Variants in RINT1 observed in about 807,000 individuals in gnomAD.
The protein encoded by RINT1 is RAD50 interactor 1.
A neutral mutation model predicts 97.7 loss-of-function variants in RINT1; 75 were observed. The ratio of observed to expected loss-of-function variants is 0.77; its 90% CI spans 0.64 to 0.93. RINT1 has a LOEUF of 0.93. RINT1 is among the 40% of genes least tolerant of loss of function. The pLI is 0.00. For synonymous variants in RINT1, 303 were observed against 326.3 expected (o/e 0.93, Z 0.77); for missense variants, 892 against 925.2 (o/e 0.96, Z 0.47).
chr7:105,538,392 T>G (rs1419211764), intron 3 of RINT1, among the ~76,000 whole-genome samples: 3 of 152,196 alleles, frequency 2.0e-5, no homozygotes, highest in African/African-American at 7.2e-5. Flanking sequence ...CTGTCCCCAT[T>G]ACCTTAGGCC....
chr7:105,558,850 A>G (rs146006876), intron 11 of RINT1, among the ~76,000 whole-genome samples: 1 of 151,826 alleles, frequency 6.6e-6, no homozygotes, highest in Admixed American at 6.6e-5. Flanking sequence ...GGTCCCAGCT[A>G]CTTGGAGGCT....
intron 11 of RINT1, among the ~76,000 whole-genome samples, chr7:105,559,540 C>CAAAAA (rs60718751): frequency 1.9e-4 from 11 of 59,030 alleles, no homozygotes; most frequent in East Asian, 6.9e-4. Flanking sequence ...GACTCTGTCT[C>CAAAAA]AAAAAAAAAA....
intron 4 of RINT1, among the ~76,000 whole-genome samples, chr7:105,544,281 G>A (rs1377182128): frequency 2.0e-5 from 3 of 151,946 alleles, no homozygotes; most frequent in African/African-American, 7.2e-5. Context: ...TCAGTAAGGG[G>A]CAATGTTAAT....
chr7:105,535,598 G>T, intron 2 of RINT1: 1 of 454,528 alleles, frequency 2.2e-6, no homozygotes, highest in Non-Finnish European at 4.4e-6. Context: ...TGCTGTCCAG[G>T]CTGGAATGTA....
chr7:105,536,968 G>C (rs113170300), intron 3 of RINT1, among the ~76,000 whole-genome samples: 1 of 152,148 alleles, frequency 6.6e-6, no homozygotes, highest in Non-Finnish European at 1.5e-5. Context: ...TCAAAACATA[G>C]TGAGACCTAA....
intron 3 of RINT1, chr7:105,541,830 A>C (rs1021552955): frequency 1.3e-5 from 2 of 152,208 alleles, no homozygotes; most frequent in Non-Finnish European, 2.9e-5. Flanking sequence ...CTATGGAGGC[A>C]GACCTCTAGA....
chr7:105,542,248 T>C (rs1790487293), intron 3 of RINT1, 160 bp from the exon 4 acceptor site: 1 of 598,632 alleles, frequency 1.7e-6, no homozygotes, highest in East Asian at 2.8e-5. Flanking sequence ...GGTGGGAGGA[T>C]TGGTTGAGCC....
intron 11 of RINT1, among the ~76,000 whole-genome samples, chr7:105,555,817 C>CAAAG (rs1791154190): frequency 6.6e-6 from 1 of 151,864 alleles, no homozygotes. Flanking sequence ...CCCATTTCTC[C>CAAAG]AAAGAATAAA....
At position 105,565,183 on chromosome 7, in the gene RINT1, C is replaced by G. The variant is rs113457803; in HGVS notation, c.1887-94C>G. The G allele has an allele frequency of 4.9e-4, 554 of 1,123,826 alleles. 4 individuals are homozygous for G. The African/African-American group carries it at 6.4e-3, about 13-fold the overall frequency. The allele number at this position is 1,123,826 out of a possible 1,614,324, so 69.6% of individuals were successfully genotyped here. On this transcript the variant is annotated intron_variant, in intron 12 of 14. Transcript: ENST00000257700. The stretch of plus-strand genomic sequence containing the variant: ...TATATTTTTTCTTATCCAAAATGCC[C>G]TAGGACAGAACACTTCCTCAAATTT...
chr7:105,551,976 G>A (rs1363646737), intron 10 of RINT1, among the ~76,000 whole-genome samples: 1 of 152,108 alleles, frequency 6.6e-6, no homozygotes. Flanking sequence ...GCTGAGGTGG[G>A]AGGATTTTTT....
Position 105,532,236 on chromosome 7 carries a change from G to C in RINT1, c.-80G>C, listed in dbSNP as rs1203540606. On this transcript the variant is annotated 5_prime_UTR_variant, in exon 1 of 15. Transcript: ENST00000257700. ...GTCCTACGGCCTCCGAGGCTGGGTA[G>C]TGAGTGTGTCGCTGGCCTTAGCCAG... is the stretch of plus-strand genomic sequence containing the variant. 5 of 1,475,498 alleles carry C rather than the reference G, an allele frequency of 3.4e-6. No homozygotes were observed. Among genetic ancestry groups the C allele is most frequent in the East Asian group, 5.0e-5 (2 of 40,276 alleles). 91.4% of individuals were successfully genotyped at this position (1,475,498 alleles called of 1,614,324 possible).
rs147409665 is a variant in RINT1 at position 105,565,340 on chromosome 7, G to A, written c.1950G>A (p.Pro650=). 15 of 1,614,084 alleles carry A rather than the reference G, an allele frequency of 9.3e-6. No individual in the cohort carries two copies. In the African/African-American group the frequency reaches 1.1e-4, roughly 11 times the overall value. ...AVMSLSSSAC[P]LLLTLRDHLL... ...TGTCCCTGTCCAGTTCGGCTTGCCC[G>A]TTGCTGCTGACGTTACGAGACCATT... The change falls in exon 13 of 15, where the codon CCG becomes CCA. Residue 650 remains proline, a synonymous_variant. Transcript: ENST00000257700.
At chr7:105,539,859 T>C (rs1321639858) in intron 3 of RINT1, among the ~76,000 whole-genome samples, 1 of 152,192 alleles carries the variant, frequency 6.6e-6, no homozygotes, top group African/African-American at 2.4e-5. Context: ...CTGTTGAAAT[T>C]ATTTGCTTAC....
chr7:105,538,904 G>A (rs1222080060), intron 3 of RINT1, among the ~76,000 whole-genome samples: 1 of 152,038 alleles, frequency 6.6e-6, no homozygotes, highest in African/African-American at 2.4e-5. Context: ...CCCTGTGTTC[G>A]TCAACCAGTC....
Position 105,567,382 on chromosome 7 carries a change from A to T in RINT1, c.*71A>T. 1 of 1,039,154 alleles carries T rather than the reference A, an allele frequency of 9.6e-7. No individual in the cohort carries two copies. The highest frequency in any genetic ancestry group is 1.4e-5 in the South Asian group (1 of 71,848). The allele number at this position is 1,039,154 out of a possible 1,614,324, so 64.4% of individuals were successfully genotyped here. On this transcript the variant is annotated 3_prime_UTR_variant, in exon 15 of 15. Coordinates refer to ENST00000257700, the MANE Select transcript of RINT1 (RefSeq NM_021930.6). Reference sequence around the variant, plus strand: ...GGAAGCCAATTGGATTTCAAGTTATATGATGAAATTCTGAATTAATGAAAC... The same window carrying T: ...GGAAGCCAATTGGATTTCAAGTTATTTGATGAAATTCTGAATTAATGAAAC...
chr7:105,551,175 T>A (rs2133405392), intron 9 of RINT1, among the ~76,000 whole-genome samples: 1 of 152,176 alleles, frequency 6.6e-6, no homozygotes, highest in Non-Finnish European at 1.5e-5. Context: ...AGTATAGGTA[T>A]ATGCAAGCCA....
intron 3 of RINT1, among the ~76,000 whole-genome samples, chr7:105,538,748 C>T (rs1790344769): frequency 6.6e-6 from 1 of 152,208 alleles, no homozygotes; most frequent in Admixed American, 6.5e-5. Context: ...TGAATTCAGT[C>T]TGTTGAATAG....
Position 105,542,486 on chromosome 7 carries a change from A to T in RINT1, c.352A>T (p.Asn118Tyr). The change falls in exon 4 of 15, where the codon AAT becomes TAT. Residue 118 changes from asparagine to tyrosine, a missense_variant. By Grantham distance (143) the Asn-to-Tyr change is moderately radical. Transcript: ENST00000257700. ...KNAEESKQFL[N>Y]QFLEQETHLF... ...TGCAGAAGAATCAAAGCAATTTCTTAATCAGTTTCTGGAGCAGGAAACTCA... is the reference window on the plus strand; with the variant it reads ...TGCAGAAGAATCAAAGCAATTTCTTTATCAGTTTCTGGAGCAGGAAACTCA... The T allele has an allele frequency of 6.2e-7, 1 of 1,613,966 alleles. No homozygotes were observed. Among genetic ancestry groups the T allele is most frequent in the Non-Finnish European group, 8.5e-7 (1 of 1,179,886 alleles).
At chr7:105,532,419 T>C in intron 1 of RINT1, 62 bp downstream of exon 1, 1 of 1,537,044 alleles carries the variant, frequency 6.5e-7, no homozygotes, top group Non-Finnish European at 8.8e-7. Flanking sequence ...GGCACAGACC[T>C]CCCGGGGGAG....
Sources: gnomAD v4.1 joint callset for allele counts (sites outside exome capture counted in the v4.1 genomes callset) on GRCh38, gnomAD v4.1.1 for gene constraint, MANE v1.5 for transcripts, NCBI Gene and HGNC (gene_info 2026-07-23, HGNC 2026-07-21) for gene names.